Variants in PRPSAP2 observed in about 807,000 individuals in gnomAD.
The protein encoded by PRPSAP2 is phosphoribosyl pyrophosphate synthase-associated protein 2.
PRPSAP2 carries 24 observed loss-of-function variants against 40.6 expected under a neutral mutation model. The ratio of observed to expected loss-of-function variants is 0.59; its 90% CI spans 0.43 to 0.83. PRPSAP2 has a LOEUF of 0.83. PRPSAP2 is among the 40% of genes least tolerant of loss of function. The probability of loss-of-function intolerance (pLI) is 0.00; values close to 1 mark genes in which losing one functional copy is unlikely to be tolerated. For missense variants in PRPSAP2, 292 were observed against 465.6 expected, an observed-to-expected ratio of 0.63 and a Z score of 3.43; for synonymous variants, 149 against 164.7, an observed-to-expected ratio of 0.90 and a Z score of 0.73.
At chr17:18,882,531 A>G in intron 6 of PRPSAP2, 37 bp from the exon 7 acceptor site, 1 of 1,385,772 alleles carries the variant, frequency 7.2e-7, no homozygotes, top group Non-Finnish European at 1.0e-6. Flanking sequence ...AACAAAAACA[A>G]AACTATTTAT....
At chr17:18,886,225 A>G (rs756757653) in intron 7 of PRPSAP2, among the ~76,000 whole-genome samples, 2 of 151,978 alleles carry the variant, frequency 1.3e-5, no homozygotes, top group East Asian at 3.9e-4. Flanking sequence ...TAGTGATCCT[A>G]TTCTGCAGGT....
rs1217318128 is a variant in PRPSAP2, at chr17:18,867,278, C to G, written c.120-4C>G. ...TCAGCTTTTTCCCCCTTTCTCTTCT[C>G]TAGGCGGCTAGGGGTGGAGATGGGC... On this transcript the variant is annotated splice_polypyrimidine_tract_variant and splice_region_variant and intron_variant, in intron 3 of 11. Coordinates refer to ENST00000268835, the MANE Select transcript of PRPSAP2 (RefSeq NM_002767.4). 2 of 1,613,860 alleles carry G rather than the reference C, an allele frequency of 1.2e-6. No homozygotes were observed. The highest frequency in any genetic ancestry group is 2.7e-5 in the African/African-American group (2 of 74,886).
intron 7 of PRPSAP2, among the ~76,000 whole-genome samples, chr17:18,884,530 G>C (rs2151913228): frequency 6.6e-6 from 1 of 152,020 alleles, no homozygotes; most frequent in East Asian, 1.9e-4. Context: ...TCCAGAGTCA[G>C]AATCTTGCTG....
chr17:18,879,292 G>C (rs1228466114), intron 6 of PRPSAP2, among the ~76,000 whole-genome samples: 4 of 145,404 alleles, frequency 2.8e-5, no homozygotes, highest in Non-Finnish European at 4.6e-5. Flanking sequence ...CTTTTTTTTT[G>C]TTTGTTTTTT....
intron 10 of PRPSAP2, 114 bp downstream of exon 10, chr17:18,924,098 G>A: frequency 9.8e-7 from 1 of 1,023,440 alleles, no homozygotes; most frequent in Admixed American, 2.2e-5. Flanking sequence ...GGAGTGCAGT[G>A]GCACAATCTC....
rs143055642 is a variant in PRPSAP2 at position 18,866,535 on chromosome 17, G to A, written c.119+583G>A. 2.8e-3 allele frequency among the ~76,000 whole-genome samples: 430 copies of A among 152,136 alleles called. 19 individuals carry two copies. In the East Asian group the frequency reaches 0.068, roughly 24 times the overall value. On this transcript the variant is annotated intron_variant, in intron 3 of 11. Transcript: ENST00000268835. ...GATTGCACCACTGCACTCCAGCCTG[G>A]GCAACAGAACGAGACTCTGTCTCAA...
chr17:18,906,265 G>A (rs974155622), intron 8 of PRPSAP2, among the ~76,000 whole-genome samples: 7 of 152,168 alleles, frequency 4.6e-5, no homozygotes, highest in African/African-American at 1.7e-4. Context: ...GCCCAGGCAG[G>A]AGTGCAGTGG....
intron 1 of PRPSAP2, among the ~76,000 whole-genome samples, chr17:18,864,017 T>A (rs1440753677): frequency 1.3e-5 from 2 of 150,992 alleles, no homozygotes; most frequent in Non-Finnish European, 3.0e-5. Context: ...TTTTTATTTT[T>A]ATTTTTTTGT....
At chr17:18,925,081 C>T (rs971200085) in intron 10 of PRPSAP2, among the ~76,000 whole-genome samples, 12 of 151,944 alleles carry the variant, frequency 7.9e-5, no homozygotes, top group Admixed American at 7.2e-4. Context: ...GATTGTGCCA[C>T]TGCACTCTAG....
At chr17:18,924,292 G>A (rs966729484) in intron 10 of PRPSAP2, among the ~76,000 whole-genome samples, 2 of 152,012 alleles carry the variant, frequency 1.3e-5, no homozygotes, top group East Asian at 3.9e-4. Context: ...CACCTGCCTC[G>A]GCCTCCCAAA....
intron 8 of PRPSAP2, among the ~76,000 whole-genome samples, chr17:18,902,314 TG>T (rs1194114017): frequency 6.6e-6 from 1 of 152,242 alleles, no homozygotes; most frequent in African/African-American, 2.4e-5. Context: ...CCTATTTTGC[TG>T]GGGCTGATGA....
chr17:18,907,487 T>C (rs539107916), intron 8 of PRPSAP2, among the ~76,000 whole-genome samples: 2 of 152,312 alleles, frequency 1.3e-5, no homozygotes, highest in African/African-American at 2.4e-5. Context: ...ATTGATAGAA[T>C]AAGGAGACTG....
At chr17:18,862,939 G>A (rs1262257746) in intron 1 of PRPSAP2, among the ~76,000 whole-genome samples, 1 of 151,482 alleles carries the variant, frequency 6.6e-6, no homozygotes, top group African/African-American at 2.4e-5. Flanking sequence ...TCCTGCCTCA[G>A]CCTCCCGAGT....
intron 8 of PRPSAP2, among the ~76,000 whole-genome samples, chr17:18,890,484 A>T (rs879086553): frequency 6.6e-6 from 1 of 151,862 alleles, no homozygotes; most frequent in Non-Finnish European, 1.5e-5. Flanking sequence ...TTTTATTTTT[A>T]ATAGTAGAAA....
chr17:18,879,840 C>G (rs544154576), intron 6 of PRPSAP2, among the ~76,000 whole-genome samples: 5 of 145,348 alleles, frequency 3.4e-5, no homozygotes, highest in African/African-American at 1.3e-4. Flanking sequence ...TGGCTCACGC[C>G]TGTAATCCCA....
chr17:18,868,915 A>G (rs1216568304), intron 4 of PRPSAP2, among the ~76,000 whole-genome samples: 2 of 152,054 alleles, frequency 1.3e-5, no homozygotes, highest in African/African-American at 2.4e-5. Flanking sequence ...GGCTTTGATA[A>G]AAAGGCACAA....
In PRPSAP2 at chr17:18,911,227, A is replaced by G. The variant is rs762098241; in HGVS notation, c.709A>G (p.Ile237Val). 6.2e-7 allele frequency: 1 copy of G among 1,612,472 alleles called. No individual in the cohort carries two copies. Among genetic ancestry groups the G allele is most frequent in the Non-Finnish European group, 8.5e-7 (1 of 1,178,956 alleles). Residue 237 changes from isoleucine (I) to valine (V), a missense_variant, in exon 9 of 12, where the codon ATC (isoleucine) becomes GTC (valine). Around this residue, in one of 2 missense-constraint regions of PRPSAP2, gnomAD observed 241 missense variants for 425.7 expected, o/e 0.57. Transcript: ENST00000268835. The surrounding 1 kb of genome is among the most constrained non-coding windows in gnomAD (Gnocchi z 4.5). ...ACCCATGGTCAGAAGTGTGGCTGCC[A>G]TCCACCCCAGCCTGGAGATCCCCAG... ...SPPMVRSVAAIHPSLEIPMLI... is the reference protein window; with the variant it reads ...SPPMVRSVAAVHPSLEIPMLI...
At chr17:18,906,719 C>T (rs1335571414) in intron 8 of PRPSAP2, among the ~76,000 whole-genome samples, 1 of 150,584 alleles carries the variant, frequency 6.6e-6, no homozygotes, top group Non-Finnish European at 1.5e-5. Flanking sequence ...TTTGTTTGTT[C>T]GTTTTTCAGT....
intron 4 of PRPSAP2, among the ~76,000 whole-genome samples, chr17:18,867,871 T>G (rs2037543166): frequency 6.6e-6 from 1 of 152,204 alleles, no homozygotes; most frequent in African/African-American, 2.4e-5. Context: ...GTGTGCTGGC[T>G]CATGCATCTA....
Sources: allele counts gnomAD v4.1 joint callset (sites outside exome capture counted in the v4.1 genomes callset), GRCh38; gene constraint gnomAD v4.1.1; regional missense constraint gnomAD v4.1.1; non-coding constraint Gnocchi (gnomAD v3.1); transcripts MANE v1.5; gene names NCBI Gene and HGNC (gene_info 2026-07-23, HGNC 2026-07-21).